PACSIN2: variants seen among roughly 807,000 people sequenced by gnomAD.
PACSIN2 encodes protein kinase C and casein kinase substrate in neurons protein 2.
PACSIN2 carries 25 observed loss-of-function variants against 63.8 expected under a neutral mutation model. The ratio of observed to expected loss-of-function variants is 0.39; its 90% CI spans 0.29 to 0.55. The LOEUF (loss-of-function observed/expected upper bound fraction) is 0.55. Ranked by LOEUF, PACSIN2 falls within the 20% of genes least tolerant of loss-of-function variation. PACSIN2 has a pLI of 0.62. For missense variants in PACSIN2, 518 were observed against 646.9 expected, an observed-to-expected ratio of 0.80 and a Z score of 2.16; for synonymous variants, 255 against 256.2, an observed-to-expected ratio of 1.00 and a Z score of 0.05.
At chr22:42,986,383 G>A (rs1395459017) in intron 1 of PACSIN2, among the ~76,000 whole-genome samples, 1 of 152,122 alleles carries the variant, frequency 6.6e-6, no homozygotes, top group Non-Finnish European at 1.5e-5. Flanking sequence ...TCAATCAAGG[G>A]CAGCATTCAT....
At chr22:42,982,888 A>AAAAAAAAC (rs759532303) in intron 1 of PACSIN2, among the ~76,000 whole-genome samples, 6 of 105,206 alleles carry the variant, frequency 5.7e-5, no homozygotes, top group Non-Finnish European at 1.0e-4. Context: ...AAAAAAAAAA[A>AAAAAAAAC]AACAACAACA....
intron 2 of PACSIN2, among the ~76,000 whole-genome samples, chr22:42,904,548 C>A (rs1930931941): frequency 6.6e-6 from 1 of 152,216 alleles, no homozygotes; most frequent in African/African-American, 2.4e-5. Flanking sequence ...AAGGCACCCC[C>A]TGACTGACAG....
chr22:42,935,099 T>A (rs2092213), intron 1 of PACSIN2, among the ~76,000 whole-genome samples: 2 of 146,152 alleles, frequency 1.4e-5, no homozygotes, highest in Non-Finnish European at 3.0e-5. Context: ...TTTTTTTTTT[T>A]TATTTTCAGT....
At chr22:42,995,339 T>C (rs1923324464) in intron 1 of PACSIN2, among the ~76,000 whole-genome samples, 1 of 152,204 alleles carries the variant, frequency 6.6e-6, no homozygotes, top group South Asian at 2.1e-4. Context: ...AACAGGCTGC[T>C]TTTGGTGCCA....
intron 1 of PACSIN2, among the ~76,000 whole-genome samples, chr22:42,960,489 A>T (rs1260693609): frequency 6.6e-6 from 1 of 152,230 alleles, no homozygotes; most frequent in Non-Finnish European, 1.5e-5. Flanking sequence ...AGGACACTCA[A>T]ATACGCAACT....
intron 1 of PACSIN2, among the ~76,000 whole-genome samples, chr22:42,998,029 T>G (rs186040939): frequency 2.9e-3 from 438 of 152,306 alleles, no homozygotes; most frequent in African/African-American, 0.01. Context: ...GAAAAGAGGT[T>G]TCTCAGGAGC....
At chr22:42,935,059 G>A (rs1932873244) in intron 1 of PACSIN2, among the ~76,000 whole-genome samples, 1 of 151,514 alleles carries the variant, frequency 6.6e-6, no homozygotes, top group African/African-American at 2.4e-5. Context: ...AGGACTACAG[G>A]TGCCCGCCAC....
chr22:42,875,400 C>T (rs755922805), intron 10 of PACSIN2, among the ~76,000 whole-genome samples: 11 of 152,128 alleles, frequency 7.2e-5, no homozygotes, highest in South Asian at 2.1e-4. Flanking sequence ...GACAGGGTCT[C>T]GCTCTGTTGT....
intron 1 of PACSIN2, among the ~76,000 whole-genome samples, chr22:43,006,002 A>G (rs958358042): frequency 3.3e-5 from 5 of 152,054 alleles, no homozygotes; most frequent in South Asian, 2.1e-4. Flanking sequence ...TATGTTACCC[A>G]GGCTGGCCAT....
chr22:42,961,440 GATCA>G (rs1934130392), intron 1 of PACSIN2, among the ~76,000 whole-genome samples: 1 of 105,850 alleles, frequency 9.4e-6, no homozygotes, highest in South Asian at 3.0e-4. Context: ...ACCCAAGAAT[GATCA>G]ATTAAAAAAA....
intron 2 of PACSIN2, among the ~76,000 whole-genome samples, chr22:42,894,304 G>A (rs1458255487): frequency 2.6e-5 from 4 of 151,898 alleles, no homozygotes; most frequent in African/African-American, 7.3e-5. Flanking sequence ...GCAGTGGCAC[G>A]ATCTCGGCTC....
intron 1 of PACSIN2, among the ~76,000 whole-genome samples, chr22:42,946,148 T>C (rs1285285945): frequency 6.6e-6 from 1 of 152,154 alleles, no homozygotes; most frequent in Non-Finnish European, 1.5e-5. Context: ...AGCCAAATAG[T>C]TTCAAAAGCA....
intron 1 of PACSIN2, among the ~76,000 whole-genome samples, chr22:42,981,283 T>G (rs1478754569): frequency 8.2e-6 from 1 of 122,426 alleles, no homozygotes. Flanking sequence ...AGCCCCTCCG[T>G]CCGGCAACCA....
chr22:42,950,866 T>C (rs1263664585), intron 1 of PACSIN2, among the ~76,000 whole-genome samples: 1 of 152,122 alleles, frequency 6.6e-6, no homozygotes, highest in Non-Finnish European at 1.5e-5. Flanking sequence ...ACAAGGCCCC[T>C]GTATATATTC....
At chr22:42,932,556 A>C (rs1208173099) in intron 1 of PACSIN2, among the ~76,000 whole-genome samples, 1 of 152,190 alleles carries the variant, frequency 6.6e-6, no homozygotes, top group Non-Finnish European at 1.5e-5. Flanking sequence ...TAAAGTGTTG[A>C]CTTGATAAAA....
intron 1 of PACSIN2, among the ~76,000 whole-genome samples, chr22:42,966,801 T>C (rs576084162): frequency 6.6e-6 from 1 of 152,330 alleles, no homozygotes; most frequent in East Asian, 1.9e-4. Flanking sequence ...ACATTAAAAA[T>C]GGAAGATGAT....
At chr22:43,014,380 C>CCG (rs373844150) in intron 1 of PACSIN2, among the ~76,000 whole-genome samples, 1 of 134,828 alleles carries the variant, frequency 7.4e-6, no homozygotes. Context: ...CCCCCCCCCC[C>CCG]GGGACACGGA....
At chr22:42,946,862 C>T (rs1933445808) in intron 1 of PACSIN2, 1 of 152,220 alleles carries the variant, frequency 6.6e-6, no homozygotes, top group African/African-American at 2.4e-5. Context: ...ACATGTGGAC[C>T]ATGTTGCAGG....
intron 1 of PACSIN2, among the ~76,000 whole-genome samples, chr22:42,931,039 T>C (rs998898772): frequency 1.3e-5 from 2 of 152,214 alleles, no homozygotes; most frequent in African/African-American, 4.8e-5. Context: ...TTGACAGGAA[T>C]TCTTTCATTC....
Sources: gnomAD v4.1 joint callset for allele counts (sites outside exome capture counted in the v4.1 genomes callset) on GRCh38, gnomAD v4.1.1 for gene constraint, MANE v1.5 for transcripts, NCBI Gene and HGNC (gene_info 2026-07-23, HGNC 2026-07-21) for gene names.